The following SLC1A6 variants were observed in gnomAD, a reference collection of about 807,000 sequenced individuals.
The protein encoded by SLC1A6 is excitatory amino acid transporter 4.
SLC1A6 carries 15 observed loss-of-function variants against 42.1 expected under a neutral mutation model. The ratio of observed to expected loss-of-function variants is 0.36; its 90% CI spans 0.24 to 0.55. The LOEUF is 0.55. SLC1A6 is among the 20% of genes least tolerant of loss of function. The pLI is 0.88. For missense variants in SLC1A6, 542 were observed against 772.5 expected, an observed-to-expected ratio of 0.70 and a Z score of 3.54; for synonymous variants, 317 against 319.7, an observed-to-expected ratio of 0.99 and a Z score of 0.09.
At chr19:14,974,347 ACT>A (rs2045680175) in intron 1 of SLC1A6, 1 of 152,220 alleles carries the variant, frequency 6.6e-6, no homozygotes, top group African/African-American at 2.4e-5. Context: ...ACAGAGTGAG[ACT>A]CTGTCTCAAA....
Position 14,951,078 on chromosome 19 carries a change from CAAAAA to C in SLC1A6, c.1500-693_1500-689del, listed in dbSNP as rs59828742. On this transcript the variant is annotated intron_variant, in intron 9 of 9. Transcript: ENST00000594383. ...TGAAACCCTGTCTCTACTAAAAATACAAAAAAAAAAAAAAAAAAAAAATTAGCTGG... is the reference window on the plus strand; with the variant it reads ...TGAAACCCTGTCTCTACTAAAAATACAAAAAAAAAAAAAAAAATTAGCTGG... Among the ~76,000 whole-genome samples the C allele has an allele frequency of 6.9e-3, 548 of 79,790 alleles. 2 individuals carry two copies. The highest frequency in any genetic ancestry group is 0.024 in the African/African-American group (491 of 20,060). 52.3% of individuals were successfully genotyped at this position (79,790 alleles called of 152,430 possible). A position where few individuals can be genotyped will look rare whatever the true frequency, so the allele number is the denominator to read the frequency against.
At chr19:14,973,817 C>A (rs2045672771) in intron 1 of SLC1A6, 1 of 152,282 alleles carries the variant, frequency 6.6e-6, no homozygotes, top group Admixed American at 6.5e-5. Context: ...AGGTGCCTGG[C>A]AAACAGCAGG....
At chr19:14,978,433 C>T (rs960395255) in intron 1 of SLC1A6, among the ~76,000 whole-genome samples, 11 of 151,994 alleles carry the variant, frequency 7.2e-5, no homozygotes, top group African/African-American at 2.4e-4. Context: ...CACATAACCT[C>T]GAAAACCTCT....
chr19:14,950,486 A>T, intron 9 of SLC1A6, 96 bp from the exon 10 acceptor site: 2 of 850,932 alleles, frequency 2.4e-6, no homozygotes, highest in Non-Finnish European at 3.6e-6. Context: ...CCAGGGAGTC[A>T]GAGGGCTCCC....
chr19:14,979,926 C>T (rs1414692097), upstream of SLC1A6: 1 of 151,890 alleles, frequency 6.6e-6, no homozygotes, highest in Non-Finnish European at 1.5e-5. The surrounding 1 kb of genome is among the most constrained non-coding windows in gnomAD (Gnocchi z 4.2). Context: ...CTCGGAGCCG[C>T]GCCTCCGCGC....
intron 6 of SLC1A6, among the ~76,000 whole-genome samples, chr19:14,957,853 C>T (rs1241965399): frequency 2.0e-5 from 3 of 152,020 alleles, no homozygotes; most frequent in Admixed American, 2.0e-4. Context: ...GAGAAGGTAC[C>T]CTGTGTATCT....
Position 14,968,419 on chromosome 19 carries a change from G to A in SLC1A6, c.432C>T (p.Phe144=). 1 of 1,613,784 alleles carries A rather than the reference G, an allele frequency of 6.2e-7. No homozygotes were observed. The highest frequency in any genetic ancestry group is 8.5e-7 in the Non-Finnish European group (1 of 1,179,900). Residue 144 remains phenylalanine, a synonymous_variant, in exon 4 of 10, where the codon TTC becomes TTT. Transcript: ENST00000594383. ...TGATGGTGACCATGAGGATGCCGAT[G>A]AAGACCGCGATGATGGTGGTCACCA... ...YYMVTTIIAV[F]IGILMVTIIH...
chr19:14,989,405 G>T (rs2045807946), intron 1 of SLC1A6, among the ~76,000 whole-genome samples: 1 of 151,840 alleles, frequency 6.6e-6, no homozygotes, highest in African/African-American at 2.4e-5. Context: ...TGAATTACAG[G>T]CATGCACCAC....
chr19:14,953,114 G>A (rs2145163473), intron 8 of SLC1A6, 52 bp from the exon 9 acceptor site: 11 of 1,382,386 alleles, frequency 8.0e-6, no homozygotes, highest in African/African-American at 7.1e-5. Flanking sequence ...AAGGCGATGA[G>A]GAAGAGAGAG....
upstream of SLC1A6, among the ~76,000 whole-genome samples, chr19:14,983,426 C>G (rs1479081313): frequency 1.3e-5 from 2 of 151,962 alleles, no homozygotes; most frequent in Admixed American, 6.6e-5. Flanking sequence ...CTCACACTTG[C>G]AATCCCAGCC....
intron 1 of SLC1A6, among the ~76,000 whole-genome samples, chr19:14,993,034 C>A (rs1370540025): frequency 6.6e-6 from 1 of 152,132 alleles, no homozygotes; most frequent in African/African-American, 2.4e-5. Context: ...CCAGAGGGAG[C>A]AGAGGAGGTG....
chr19:14,962,275 C>T lies in SLC1A6; in HGVS notation c.662G>A (p.Gly221Asp), dbSNP rs1407283711. Residue 221 changes from glycine to aspartate, a missense_variant, in exon 6 of 10, where the codon GGT becomes GAT. Transcript: ENST00000594383. ...TGAGAATGGAGGAGGCATGGAGGCA[C>T]CCGGCTCAGACCCGTTCTCTGTCCT... ...MVRTENGSEP[G>D]ASMPPPFSVE... 1.2e-6 allele frequency: 2 copies of T among 1,614,036 alleles called. No individual in the cohort carries two copies. The highest frequency in any genetic ancestry group is 1.3e-5 in the African/African-American group (1 of 74,928).
intron 1 of SLC1A6, among the ~76,000 whole-genome samples, chr19:15,003,302 A>G (rs1461451396): frequency 1.3e-5 from 2 of 152,138 alleles, no homozygotes; most frequent in African/African-American, 4.8e-5. Context: ...TGAGGGACTG[A>G]CCAGGGGTAC....
intron 9 of SLC1A6, among the ~76,000 whole-genome samples, chr19:14,952,184 A>G (rs1453749636): frequency 6.6e-6 from 1 of 151,270 alleles, no homozygotes; most frequent in African/African-American, 2.4e-5. Context: ...TCACATCTGT[A>G]GTCCCAACTA....
rs1399211526 is a variant in SLC1A6, at chr19:14,952,292, A to G, written c.1499+636T>C. On this transcript the variant is annotated intron_variant, in intron 9 of 9. Transcript: ENST00000594383. ...TAATCTCAAAAAAAAAAAAAATAAC[A>G]AATCCCAGCACTTTGGGAGGCTGAG... 6.6e-5 allele frequency among the ~76,000 whole-genome samples: 10 copies of G among 151,336 alleles called. No individual in the cohort carries two copies. The Middle Eastern group carries it at 0.014, about 206-fold the overall frequency.
chr19:14,961,786 T>C (rs1207650817), intron 6 of SLC1A6: 6 of 599,194 alleles, frequency 1.0e-5, no homozygotes, highest in African/African-American at 1.9e-5. Flanking sequence ...AACCAATGCA[T>C]AGAAGAATGA....
chr19:15,006,494 G>A (rs150894731), intron 1 of SLC1A6, among the ~76,000 whole-genome samples: 158 of 152,234 alleles, frequency 1.0e-3, no homozygotes, highest in African/African-American at 3.7e-3. Context: ...ATAACGGCGG[G>A]TCTCCAGGAT....
At chr19:14,991,877 A>C (rs1200385564) in intron 1 of SLC1A6, among the ~76,000 whole-genome samples, 1 of 149,412 alleles carries the variant, frequency 6.7e-6, no homozygotes, top group Non-Finnish European at 1.5e-5. Context: ...TTGCTCTGTC[A>C]CGCAGTGGCG....
chr19:14,969,913 G>A (rs2045618393), intron 3 of SLC1A6, among the ~76,000 whole-genome samples: 2 of 152,100 alleles, frequency 1.3e-5, no homozygotes, highest in African/African-American at 4.8e-5. Flanking sequence ...TCAACTGCTC[G>A]AGTACACTTA....
Sources: allele counts gnomAD v4.1 joint callset (sites outside exome capture counted in the v4.1 genomes callset), GRCh38; gene constraint gnomAD v4.1.1; non-coding constraint Gnocchi (gnomAD v3.1); transcripts MANE v1.5; gene names NCBI Gene and HGNC (gene_info 2026-07-23, HGNC 2026-07-21).